Variants in EXT1 observed in about 807,000 individuals in gnomAD.
The protein encoded by EXT1 is exostosin-1.
Under a neutral mutation model 82.5 loss-of-function variants are expected in EXT1, and 20 were observed. The observed-to-expected ratio is 0.24, with a 90% CI of 0.17 to 0.35. EXT1 has a LOEUF of 0.35. Ranked by LOEUF, EXT1 falls within the 10% of genes least tolerant of loss-of-function variation. The pLI is 1.00. For synonymous variants in EXT1, 348 were observed against 350.8 expected (o/e 0.99, Z 0.09); for missense variants, 757 against 936.5 (o/e 0.81, Z 2.50).
chr8:117,875,454 AAATAAATAAATAAAAT>A (rs1162001606), intron 1 of EXT1, among the ~76,000 whole-genome samples: 9 of 150,338 alleles, frequency 6.0e-5, no homozygotes, highest in Admixed American at 2.0e-4. Flanking sequence ...ATAAATAAAT[AAATAAATAAATAAAAT>A]AATAAAGGTA....
At chr8:117,805,192 A>T (rs529632406) in intron 9 of EXT1, among the ~76,000 whole-genome samples, 52 of 152,346 alleles carry the variant, frequency 3.4e-4, no homozygotes, top group African/African-American at 1.2e-3. Context: ...ATACAGACAT[A>T]CAGACATTGC....
In EXT1 at chr8:117,795,340, A is replaced by G. The variant is rs1041352145; in HGVS notation, c.*4372T>C. On this transcript the variant is annotated 3_prime_UTR_variant, in exon 11 of 11. Coordinates refer to ENST00000378204, the MANE Select transcript of EXT1 (RefSeq NM_000127.3). ...AAAGCCTTTGATTTTTGGAAAGGGCAAAAAGGGGAGAGATGGTTTTGAGGA... is the reference window on the plus strand; with the variant it reads ...AAAGCCTTTGATTTTTGGAAAGGGCGAAAAGGGGAGAGATGGTTTTGAGGA... The G allele has an allele frequency of 1.3e-5, 2 of 152,194 alleles. No individual in the cohort carries two copies. The highest frequency in any genetic ancestry group is 1.3e-4 in the Admixed American group (2 of 15,278). 9.4% of individuals were successfully genotyped at this position (152,194 alleles called of 1,614,324 possible). A position where few individuals can be genotyped will look rare whatever the true frequency, so the allele number is the denominator to read the frequency against.
chr8:117,811,701 C>T (rs115302776), intron 8 of EXT1, among the ~76,000 whole-genome samples: 2,394 of 151,838 alleles, frequency 0.016, 69 homozygotes, highest in African/African-American at 0.053. Context: ...ACTGTAACCT[C>T]TGCCTCTTAG....
At chr8:118,004,123 T>C (rs1586337055) in intron 1 of EXT1, among the ~76,000 whole-genome samples, 1 of 152,110 alleles carries the variant, frequency 6.6e-6, no homozygotes, top group Non-Finnish European at 1.5e-5. Flanking sequence ...AAAAAAATTG[T>C]GGGGAAACCT....
chr8:117,831,588 T>A (rs1486970769), intron 3 of EXT1: 1 of 471,042 alleles, frequency 2.1e-6, no homozygotes, highest in Non-Finnish European at 4.4e-6. Context: ...CAATTGCCCT[T>A]TTGTGCTCAC....
At chr8:117,909,002 C>G (rs369315064) in intron 1 of EXT1, among the ~76,000 whole-genome samples, 1 of 151,242 alleles carries the variant, frequency 6.6e-6, no homozygotes, top group Non-Finnish European at 1.5e-5. Context: ...CGTGGTTGTA[C>G]GCGCCTGTAA....
chr8:118,080,628 G>T (rs537512545), intron 1 of EXT1, among the ~76,000 whole-genome samples: 1 of 152,104 alleles, frequency 6.6e-6, no homozygotes, highest in South Asian at 2.1e-4. Flanking sequence ...TTCTCTGAAG[G>T]TAGTTCTTTT....
intron 1 of EXT1, among the ~76,000 whole-genome samples, chr8:117,996,816 C>T (rs1815546784): frequency 6.6e-6 from 1 of 152,184 alleles, no homozygotes; most frequent in Non-Finnish European, 1.5e-5. Flanking sequence ...CATTGTAACA[C>T]AATTGAACAC....
intron 1 of EXT1, among the ~76,000 whole-genome samples, chr8:117,987,198 G>A (rs772183380): frequency 6.6e-6 from 1 of 152,100 alleles, no homozygotes; most frequent in Non-Finnish European, 1.5e-5. Flanking sequence ...TACTATGAAC[G>A]GAATGATTGA....
chr8:117,988,070 AGAGT>A (rs145608302), intron 1 of EXT1, among the ~76,000 whole-genome samples: 2,929 of 152,316 alleles, frequency 0.019, 34 homozygotes, highest in Middle Eastern at 0.031. Flanking sequence ...CCTGAGCAAC[AGAGT>A]GAGATCCTGT....
chr8:117,962,416 G>T (rs184266983), intron 1 of EXT1, among the ~76,000 whole-genome samples: 3 of 151,772 alleles, frequency 2.0e-5, no homozygotes, highest in Admixed American at 1.3e-4. Flanking sequence ...TTTGAGACCA[G>T]CCTGGGCAAC....
chr8:117,872,525 G>GAAGA (rs1812891192), intron 1 of EXT1, among the ~76,000 whole-genome samples: 1 of 152,150 alleles, frequency 6.6e-6, no homozygotes, highest in Admixed American at 6.5e-5. Context: ...TTTACAAAAT[G>GAAGA]AAGAGTATCT....
At chr8:118,018,078 C>T (rs1563630923) in intron 1 of EXT1, among the ~76,000 whole-genome samples, 2 of 152,188 alleles carry the variant, frequency 1.3e-5, no homozygotes, top group South Asian at 2.1e-4. Flanking sequence ...GTGATATATA[C>T]ATATCCACTA....
chr8:117,829,727 C>A (rs1285091966), intron 4 of EXT1, among the ~76,000 whole-genome samples: 1 of 151,818 alleles, frequency 6.6e-6, no homozygotes, highest in Non-Finnish European at 1.5e-5. Flanking sequence ...GCGTGTGCCA[C>A]CATGCCTGGC....
At chr8:117,850,298 TAA>T (rs773023984) in intron 1 of EXT1, among the ~76,000 whole-genome samples, 1 of 152,238 alleles carries the variant, frequency 6.6e-6, no homozygotes, top group Non-Finnish European at 1.5e-5. Flanking sequence ...AGATAGCTGC[TAA>T]GAGTCAGCTC....
intron 1 of EXT1, among the ~76,000 whole-genome samples, chr8:117,912,582 T>C (rs1813671474): frequency 6.6e-6 from 1 of 152,182 alleles, no homozygotes; most frequent in Non-Finnish European, 1.5e-5. Flanking sequence ...CCAGTGTTCA[T>C]TCAGCTTCCT....
intron 1 of EXT1, among the ~76,000 whole-genome samples, chr8:117,959,828 TA>T (rs1435706757): frequency 6.6e-6 from 1 of 152,238 alleles, no homozygotes; most frequent in Non-Finnish European, 1.5e-5. Context: ...CTACTTTCTC[TA>T]AAAGATAGTA....
intron 1 of EXT1, among the ~76,000 whole-genome samples, chr8:117,947,244 C>T (rs1376111399): frequency 1.3e-5 from 2 of 152,170 alleles, no homozygotes; most frequent in Non-Finnish European, 2.9e-5. Context: ...TATGGCCAAA[C>T]GATTTAGCAG....
chr8:117,800,928 C>T (rs544915312), intron 10 of EXT1, among the ~76,000 whole-genome samples: 163 of 152,270 alleles, frequency 1.1e-3, no homozygotes, highest in South Asian at 3.7e-3. Flanking sequence ...TTTTATGAAA[C>T]ATGGAAAAGA....
Sources: gnomAD v4.1 joint callset for allele counts (sites outside exome capture counted in the v4.1 genomes callset) on GRCh38, gnomAD v4.1.1 for gene constraint, MANE v1.5 for transcripts, NCBI Gene and HGNC (gene_info 2026-07-23, HGNC 2026-07-21) for gene names.